The following TNS3 variants were observed in gnomAD, a reference collection of about 807,000 sequenced individuals.
TNS3 encodes tensin 3, also known as tensin-3.
In TNS3, 45 loss-of-function variants were observed where a neutral mutation model predicts 140.9. The observed-to-expected ratio is 0.32, with a 90% CI of 0.25 to 0.41. The LOEUF (loss-of-function observed/expected upper bound fraction) is 0.41. Ranked by LOEUF, TNS3 falls within the 10% of genes least tolerant of loss-of-function variation. The pLI is 1.00. For synonymous variants in TNS3, 815 were observed against 788.4 expected (o/e 1.03, Z -0.56); for missense variants, 1,716 against 1,906.7 (o/e 0.90, Z 1.86).
rs763089619 is a variant in TNS3, at chr7:47,556,555, C to T, written c.-265+25496G>A. 3.3e-5 allele frequency among the ~76,000 whole-genome samples: 5 copies of T among 152,174 alleles called. No individual in the cohort carries two copies. The East Asian group carries it at 5.8e-4, about 18-fold the overall frequency. ...ACATCCCTTAGGCCCAATCCACAGG[C>T]GAGCATGATTATTATTTTGTTGGTT... On this transcript the variant is annotated intron_variant, in intron 1 of 30. Transcript: ENST00000311160.
intron 4 of TNS3, among the ~76,000 whole-genome samples, chr7:47,472,030 T>C (rs1372056492): frequency 1.3e-5 from 2 of 152,238 alleles, no homozygotes; most frequent in Non-Finnish European, 2.9e-5. Flanking sequence ...AGGGAGGATC[T>C]GTCCCTGCCT....
At chr7:47,502,815 G>C (rs1798276103) in intron 3 of TNS3, among the ~76,000 whole-genome samples, 1 of 152,200 alleles carries the variant, frequency 6.6e-6, no homozygotes, top group Non-Finnish European at 1.5e-5. Flanking sequence ...CTCTCCTCTT[G>C]CTGCACTCTC....
Position 47,454,054 on chromosome 7 carries a change from T to C in TNS3, c.-75-11999A>G, listed in dbSNP as rs369770373. ...TTCATAACGAAAACATTTCTTCACATAGAAAAGTGGACCAAGGGAGGGGAG... is the reference window on the plus strand; with the variant it reads ...TTCATAACGAAAACATTTCTTCACACAGAAAAGTGGACCAAGGGAGGGGAG... On this transcript the variant is annotated intron_variant, in intron 4 of 30. Transcript: ENST00000311160. Among the ~76,000 whole-genome samples, 33 of 152,264 alleles carry C rather than the reference T, an allele frequency of 2.2e-4. No homozygotes were observed. The East Asian group carries it at 3.3e-3, about 15-fold the overall frequency.
Position 47,462,884 on chromosome 7 carries a change from A to G in TNS3, c.-76+18219T>C, listed in dbSNP as rs148869121. Among the ~76,000 whole-genome samples, 11 of 152,330 alleles carry G rather than the reference A, an allele frequency of 7.2e-5. No homozygotes were observed. The East Asian group carries it at 2.1e-3, about 29-fold the overall frequency. ...TGCCTATCATAGGTTCACAGAAGGC[A>G]GCCAGAAAGTGGGCTGGGATCTGTT... On this transcript the variant is annotated intron_variant, in intron 4 of 30. Transcript: ENST00000311160.
intron 5 of TNS3, among the ~76,000 whole-genome samples, chr7:47,440,785 C>T (rs1217982814): frequency 2.6e-5 from 4 of 152,186 alleles, no homozygotes; most frequent in African/African-American, 7.2e-5. Flanking sequence ...CATGGGTGCA[C>T]GGGACGTGTC....
chr7:47,495,784 T>C (rs1224403182), intron 3 of TNS3, among the ~76,000 whole-genome samples: 2 of 152,176 alleles, frequency 1.3e-5, no homozygotes, highest in East Asian at 1.9e-4. Context: ...GTAGAAATTT[T>C]AAAAAGATGC....
chr7:47,431,412 GT>G (rs971870785), intron 8 of TNS3, among the ~76,000 whole-genome samples: 7 of 152,098 alleles, frequency 4.6e-5, no homozygotes, highest in Non-Finnish European at 7.4e-5. Flanking sequence ...GGCCAACATG[GT>G]GAAACCCCAT....
chr7:47,282,489 C>T (rs1785198562), intron 28 of TNS3, among the ~76,000 whole-genome samples: 1 of 150,422 alleles, frequency 6.6e-6, no homozygotes, highest in Non-Finnish European at 1.5e-5. Flanking sequence ...GCCTGTGACC[C>T]TGACCCTGAG....
chr7:47,284,347 A>G (rs1562757101), intron 27 of TNS3, among the ~76,000 whole-genome samples: 1 of 152,176 alleles, frequency 6.6e-6, no homozygotes, highest in Non-Finnish European at 1.5e-5. Context: ...CTGGTTGCCA[A>G]GAGAAGGAAT....
chr7:47,337,191 G>C (rs374273941), intron 20 of TNS3, among the ~76,000 whole-genome samples: 1 of 152,088 alleles, frequency 6.6e-6, no homozygotes, highest in African/African-American at 2.4e-5. Flanking sequence ...TCTATTCCTC[G>C]GTCATAAATC....
chr7:47,562,667 G>C (rs1800341256), intron 1 of TNS3, among the ~76,000 whole-genome samples: 1 of 152,154 alleles, frequency 6.6e-6, no homozygotes, highest in Admixed American at 6.5e-5. Context: ...TTACAGGCAT[G>C]AGCCACCGCA....
At chr7:47,436,260 C>T (rs376779320) in intron 7 of TNS3, among the ~76,000 whole-genome samples, 64 of 152,304 alleles carry the variant, frequency 4.2e-4, no homozygotes, top group African/African-American at 1.3e-3. Flanking sequence ...AAATTCTATA[C>T]TCTACTATTG....
At chr7:47,413,251 C>CTTT (rs71003398) in intron 12 of TNS3, among the ~76,000 whole-genome samples, 588 of 52,964 alleles carry the variant, frequency 0.011, 37 homozygotes, top group Non-Finnish European at 0.012. Flanking sequence ...CAAGCCTGGC[C>CTTT]TTTTTTTTTT....
At chr7:47,387,832 G>A (rs1792161477) in intron 16 of TNS3, among the ~76,000 whole-genome samples, 1 of 152,218 alleles carries the variant, frequency 6.6e-6, no homozygotes, top group Non-Finnish European at 1.5e-5. Context: ...TGTGGGCCGG[G>A]CACACAGAAG....
intron 20 of TNS3, among the ~76,000 whole-genome samples, chr7:47,331,403 G>T (rs1467401774): frequency 3.3e-5 from 5 of 152,106 alleles, no homozygotes; most frequent in Non-Finnish European, 7.3e-5. Flanking sequence ...TGCTCACTTG[G>T]GCATTGCGGA....
At chr7:47,388,824 G>A (rs1054926331) in intron 16 of TNS3, among the ~76,000 whole-genome samples, 1 of 151,818 alleles carries the variant, frequency 6.6e-6, no homozygotes, top group Non-Finnish European at 1.5e-5. Flanking sequence ...CCAAGATTGG[G>A]CAGCTGCACT....
intron 16 of TNS3, among the ~76,000 whole-genome samples, chr7:47,385,239 AT>A (rs1554308580): frequency 6.6e-6 from 1 of 152,104 alleles, no homozygotes; most frequent in Non-Finnish European, 1.5e-5. Context: ...GCAGAAGGAG[AT>A]TCACAGCCGG....
At chr7:47,446,999 T>C (rs966190944) in intron 4 of TNS3, among the ~76,000 whole-genome samples, 1 of 150,102 alleles carries the variant, frequency 6.7e-6, no homozygotes, top group Non-Finnish European at 1.5e-5. Context: ...GACTGCTCTT[T>C]AGAAGCATTT....
At chr7:47,400,748 T>C (rs1793110278) in intron 14 of TNS3, 37 bp downstream of exon 14, 2 of 1,607,108 alleles carry the variant, frequency 1.2e-6, no homozygotes, top group Non-Finnish European at 1.7e-6. Flanking sequence ...CAACCGCAGC[T>C]GCCCACAAGC....
Sources: allele counts gnomAD v4.1 joint callset (sites outside exome capture counted in the v4.1 genomes callset), GRCh38; gene constraint gnomAD v4.1.1; transcripts MANE v1.5; gene names NCBI Gene and HGNC (gene_info 2026-07-23, HGNC 2026-07-21).